ZHX2: variants seen among roughly 807,000 people sequenced by gnomAD.
The protein encoded by ZHX2 is zinc fingers and homeoboxes 2.
Under a neutral mutation model 21.9 loss-of-function variants are expected in ZHX2, and 6 were observed. That is an observed-to-expected ratio of 0.27 (90% CI 0.15 to 0.54). The LOEUF (loss-of-function observed/expected upper bound fraction) is 0.54, where lower values mean the gene tolerates loss of function less well. ZHX2 is among the 20% of genes least tolerant of loss of function. The pLI, the probability that ZHX2 is intolerant of heterozygous loss-of-function variation, is 0.95. For synonymous variants in ZHX2, 434 were observed against 437.1 expected, an observed-to-expected ratio of 0.99 and a Z score of 0.09; for missense variants, 908 against 1,090.7, an observed-to-expected ratio of 0.83 and a Z score of 2.36.
intron 3 of ZHX2, among the ~76,000 whole-genome samples, chr8:122,971,191 T>C (rs1422704340): frequency 6.6e-6 from 1 of 152,068 alleles, no homozygotes; most frequent in African/African-American, 2.4e-5. Flanking sequence ...AACTAGCTAC[T>C]CTCACTGTTG....
rs1282509558 is a variant in ZHX2 at position 122,967,989 on chromosome 8, C to T, written c.*5-5253C>T. Reference sequence around the variant, plus strand: ...AGGGTTAGGCGAGTCTGAGCTCAGACTCTCCTTGGGCAGGGCTTCATGTTA... The same window carrying T: ...AGGGTTAGGCGAGTCTGAGCTCAGATTCTCCTTGGGCAGGGCTTCATGTTA... On this transcript the variant is annotated intron_variant, in intron 3 of 3. Transcript: ENST00000314393. Among the ~76,000 whole-genome samples the T allele has an allele frequency of 2.0e-5, 3 of 152,076 alleles. No homozygotes were observed. The East Asian group carries it at 5.8e-4, about 29-fold the overall frequency.
intron 2 of ZHX2, among the ~76,000 whole-genome samples, chr8:122,895,947 A>T (rs1162560105): frequency 1.3e-5 from 2 of 152,024 alleles, no homozygotes; most frequent in African/African-American, 4.8e-5. Flanking sequence ...TCTTGCAATC[A>T]GTGATTCATC....
At chr8:122,796,985 G>T (rs563189951) in intron 1 of ZHX2, among the ~76,000 whole-genome samples, 110 of 152,252 alleles carry the variant, frequency 7.2e-4, no homozygotes, top group African/African-American at 2.3e-3. Context: ...CGGCCAGGGG[G>T]TTCCTTGGCA....
chr8:122,867,122 C>G (rs1371331085), intron 2 of ZHX2, among the ~76,000 whole-genome samples: 1 of 152,154 alleles, frequency 6.6e-6, no homozygotes, highest in Non-Finnish European at 1.5e-5. Context: ...GCATGAGCTA[C>G]TGCACCCAGC....
At chr8:122,886,122 C>A (rs1317741528) in intron 2 of ZHX2, among the ~76,000 whole-genome samples, 3 of 152,174 alleles carry the variant, frequency 2.0e-5, no homozygotes, top group Admixed American at 1.3e-4. Context: ...TGTGATACAT[C>A]CATCCAGTGG....
chr8:122,808,374 T>C (rs1021786666), intron 1 of ZHX2, among the ~76,000 whole-genome samples: 5 of 152,082 alleles, frequency 3.3e-5, no homozygotes, highest in African/African-American at 9.7e-5. Context: ...CGTACAATCA[T>C]GGGTGGAAGG....
chr8:122,850,362 G>A (rs1326175937), intron 1 of ZHX2, among the ~76,000 whole-genome samples: 1 of 152,098 alleles, frequency 6.6e-6, no homozygotes, highest in Non-Finnish European at 1.5e-5. Flanking sequence ...TACCGGCCGG[G>A]CGCAGTGGCT....
intron 2 of ZHX2, among the ~76,000 whole-genome samples, chr8:122,869,092 C>T (rs1057381755): frequency 1.3e-5 from 2 of 152,164 alleles, no homozygotes; most frequent in African/African-American, 2.4e-5. Context: ...CTGGGCTGCA[C>T]AACCCTCCTC....
intron 2 of ZHX2, among the ~76,000 whole-genome samples, chr8:122,927,426 C>A (rs1010629152): frequency 3.9e-5 from 6 of 152,140 alleles, no homozygotes; most frequent in African/African-American, 1.4e-4. Context: ...ACCCGGGAGG[C>A]AGAGGTTGCA....
chr8:122,848,710 G>T (rs2130733815), intron 1 of ZHX2, among the ~76,000 whole-genome samples: 1 of 152,314 alleles, frequency 6.6e-6, no homozygotes, highest in East Asian at 1.9e-4. Context: ...CCCGGGCATT[G>T]GTGGGAGAGG....
At chr8:122,792,975 C>T (rs1456549158) in intron 1 of ZHX2, among the ~76,000 whole-genome samples, 1 of 152,150 alleles carries the variant, frequency 6.6e-6, no homozygotes, top group Non-Finnish European at 1.5e-5. Context: ...GGGGTGAACA[C>T]AGAGATGGCC....
At chr8:122,848,259 G>A (rs1477555637) in intron 1 of ZHX2, among the ~76,000 whole-genome samples, 6 of 152,088 alleles carry the variant, frequency 3.9e-5, no homozygotes, top group Non-Finnish European at 8.8e-5. Context: ...CCGAACCAGA[G>A]ACGGTCTCTT....
In ZHX2 at chr8:122,810,923, G is replaced by A. The variant is rs140590915; in HGVS notation, c.-283+28977G>A. ...TAGCATGTCAAAAGGGAGTGGCTGG[G>A]ATTATAGACAACCTGGACCCAGGGT... On this transcript the variant is annotated intron_variant, in intron 1 of 3. Coordinates refer to ENST00000314393, the MANE Select transcript of ZHX2 (RefSeq NM_014943.5). 2.0e-3 allele frequency among the ~76,000 whole-genome samples: 301 copies of A among 152,280 alleles called. 4 individuals carry two copies. The highest frequency in any genetic ancestry group is 5.9e-3 in the African/African-American group (244 of 41,548).
At chr8:122,891,035 G>T (rs1244339344) in intron 2 of ZHX2, among the ~76,000 whole-genome samples, 1 of 151,980 alleles carries the variant, frequency 6.6e-6, no homozygotes, top group Non-Finnish European at 1.5e-5. Context: ...TCTGGTTTTG[G>T]TATCAGGGTA....
intron 1 of ZHX2, among the ~76,000 whole-genome samples, chr8:122,802,752 G>A (rs1201044116): frequency 6.6e-6 from 1 of 152,218 alleles, no homozygotes; most frequent in Non-Finnish European, 1.5e-5. Flanking sequence ...CCAACGCCTG[G>A]CTGGTAAAGT....
chr8:122,951,819 C>T lies in ZHX2; in HGVS notation c.309C>T (p.Asn103=), dbSNP rs748475359. ...FTEHVDMQHP[N]VILNPLYVCA... ...AGCATGTCGACATGCAGCATCCCAA[C>T]GTGATTCTCAACCCCCTCTACGTGT... is the stretch of plus-strand genomic sequence containing the variant. Residue 103 remains asparagine (N), a synonymous_variant, in exon 3 of 4, where the codon AAC becomes AAT. Coordinates refer to ENST00000314393, the MANE Select transcript of ZHX2 (RefSeq NM_014943.5). The T allele has an allele frequency of 2.4e-5, 38 of 1,614,064 alleles. No individual in the cohort carries two copies. In the Middle Eastern group the frequency reaches 4.9e-4, roughly 21 times the overall value.
intron 1 of ZHX2, among the ~76,000 whole-genome samples, chr8:122,855,226 A>G (rs1171014337): frequency 6.6e-6 from 1 of 152,240 alleles, no homozygotes; most frequent in Non-Finnish European, 1.5e-5. Flanking sequence ...TGGGTGATGC[A>G]TGTAAATGAC....
intron 2 of ZHX2, among the ~76,000 whole-genome samples, chr8:122,889,413 A>T (rs1819925121): frequency 6.6e-6 from 1 of 152,202 alleles, no homozygotes; most frequent in African/African-American, 2.4e-5. Context: ...TTTTGATAAT[A>T]GCCATTCTAA....
chr8:122,937,437 C>T (rs1194255386), intron 2 of ZHX2, among the ~76,000 whole-genome samples: 3 of 152,202 alleles, frequency 2.0e-5, no homozygotes, highest in Non-Finnish European at 4.4e-5. Context: ...AGAACCCCCA[C>T]TCCTTCCCCC....
Sources: gnomAD v4.1 joint callset for allele counts (sites outside exome capture counted in the v4.1 genomes callset) on GRCh38, gnomAD v4.1.1 for gene constraint, MANE v1.5 for transcripts, NCBI Gene and HGNC (gene_info 2026-07-23, HGNC 2026-07-21) for gene names.